GRIK2: variants seen among roughly 807,000 people sequenced by gnomAD.
GRIK2 encodes the protein glutamate receptor ionotropic, kainate 2.
A neutral mutation model predicts 100.3 loss-of-function variants in GRIK2; 32 were observed. That is an observed-to-expected ratio of 0.32 (90% CI 0.24 to 0.43). GRIK2 has a LOEUF of 0.43. Ranked by LOEUF, GRIK2 falls within the 20% of genes least tolerant of loss-of-function variation. GRIK2 has a pLI of 1.00. For synonymous variants in GRIK2, 417 were observed against 389.4 expected (o/e 1.07, Z -0.83); for missense variants, 843 against 1,114.9 (o/e 0.76, Z 3.47).
intron 2 of GRIK2, among the ~76,000 whole-genome samples, chr6:101,445,393 CCACA>C (rs1770322156): frequency 2.9e-3 from 1 of 342 alleles, no homozygotes; most frequent in African/African-American, 0.028. Context: ...TTTCTGTGAA[CCACA>C]ACATCTTACT....
chr6:101,571,456 C>A (rs1334344897), intron 2 of GRIK2, among the ~76,000 whole-genome samples: 1 of 151,846 alleles, frequency 6.6e-6, no homozygotes, highest in Non-Finnish European at 1.5e-5. Context: ...AAAATTTTGC[C>A]ATGTGTTTTT....
intron 2 of GRIK2, among the ~76,000 whole-genome samples, chr6:101,601,444 T>C (rs538342175): frequency 6.6e-6 from 1 of 152,000 alleles, no homozygotes; most frequent in South Asian, 2.1e-4. Context: ...TGATGCTGGC[T>C]TCACGGAATA....
chr6:101,539,757 C>T (rs6930162), intron 2 of GRIK2, among the ~76,000 whole-genome samples: 51,265 of 151,340 alleles, frequency 0.34, 8,958 homozygotes, highest in South Asian at 0.46. Context: ...CATGTTCGTA[C>T]ATGAAAAAAA....
chr6:101,674,512 T>C (rs1041509563), intron 4 of GRIK2, among the ~76,000 whole-genome samples: 10 of 152,160 alleles, frequency 6.6e-5, no homozygotes, highest in African/African-American at 2.4e-4. Context: ...TGTACATATA[T>C]GTTTGGAAGG....
At chr6:101,909,747 CACAT>C (rs1241974369) in intron 12 of GRIK2, among the ~76,000 whole-genome samples, 6 of 150,760 alleles carry the variant, frequency 4.0e-5, no homozygotes, top group Non-Finnish European at 8.9e-5. Context: ...TACATATACA[CACAT>C]ACAGATATAT....
chr6:101,484,887 ATAACT>A (rs984522705), intron 2 of GRIK2, among the ~76,000 whole-genome samples: 1 of 152,220 alleles, frequency 6.6e-6, no homozygotes, highest in Non-Finnish European at 1.5e-5. Context: ...TTATTGACAA[ATAACT>A]TAATCACTGG....
chr6:101,792,473 G>T (rs1434683152), intron 7 of GRIK2, among the ~76,000 whole-genome samples: 1 of 151,426 alleles, frequency 6.6e-6, no homozygotes, highest in Admixed American at 6.6e-5. Context: ...ATGAAGCTTA[G>T]TTTGGCTGGA....
At chr6:101,916,160 T>C (rs1789090871) in intron 12 of GRIK2, among the ~76,000 whole-genome samples, 1 of 151,566 alleles carries the variant, frequency 6.6e-6, no homozygotes, top group Non-Finnish European at 1.5e-5. Flanking sequence ...TATGCATATA[T>C]TATTTAATTT....
chr6:101,428,115 A>G (rs1769151084), intron 2 of GRIK2, among the ~76,000 whole-genome samples: 1 of 152,226 alleles, frequency 6.6e-6, no homozygotes, highest in Admixed American at 6.5e-5. Flanking sequence ...TATGAACAAA[A>G]ATGTCAGCGA....
rs114863728 is a variant in GRIK2 at position 102,022,502 on chromosome 6, G to A, written c.2086-12839G>A. ...TGATTGTGCCACTGCATTCCAGCCCGTGTGGCAGAGTGACGGCATGTCTCT... is the reference window on the plus strand; with the variant it reads ...TGATTGTGCCACTGCATTCCAGCCCATGTGGCAGAGTGACGGCATGTCTCT... On this transcript the variant is annotated intron_variant, in intron 14 of 16. Coordinates refer to ENST00000369134, the MANE Select transcript of GRIK2 (RefSeq NM_021956.5). 2.0e-3 allele frequency among the ~76,000 whole-genome samples: 300 copies of A among 151,712 alleles called. 2 individuals are homozygous for A. The highest frequency in any genetic ancestry group is 7.1e-3 in the African/African-American group (294 of 41,474).
chr6:101,396,242 T>TTC lies in GRIK2; in HGVS notation c.-294+2405_-294+2406insTC, dbSNP rs796942048. ...TAGTATAGGGATGTAAATTTAGCAT[T>TTC]CCCCCCCCCCCCAGGAAGTGAGTGA... On this transcript the variant is annotated intron_variant, in intron 1 of 16. Coordinates refer to ENST00000369134, the MANE Select transcript of GRIK2 (RefSeq NM_021956.5). 6.1e-3 allele frequency among the ~76,000 whole-genome samples: 806 copies of TTC among 132,300 alleles called. 6 individuals carry two copies. Among genetic ancestry groups the TTC allele is most frequent in the African/African-American group, 0.016 (595 of 36,350 alleles). 86.8% of individuals were successfully genotyped at this position (132,300 alleles called of 152,430 possible). A position where few individuals can be genotyped will look rare whatever the true frequency, so the allele number is the denominator to read the frequency against.
intron 14 of GRIK2, among the ~76,000 whole-genome samples, chr6:101,955,359 TTA>T (rs760966727): frequency 8.5e-5 from 13 of 152,122 alleles, no homozygotes; most frequent in Non-Finnish European, 1.0e-4. Flanking sequence ...GTGTTAACAA[TTA>T]TATATCCAGC....
intron 11 of GRIK2, among the ~76,000 whole-genome samples, chr6:101,883,638 T>C (rs369904354): frequency 2.0e-5 from 3 of 152,092 alleles, no homozygotes; most frequent in African/African-American, 7.2e-5. Flanking sequence ...TGATAACCAC[T>C]ATGCTCTGGA....
chr6:101,881,061 A>T lies in GRIK2; in HGVS notation c.1525-8579A>T, dbSNP rs116610671. 8.6e-3 allele frequency among the ~76,000 whole-genome samples: 1,310 copies of T among 152,022 alleles called. 18 individuals carry two copies. The highest frequency in any genetic ancestry group is 0.03 in the African/African-American group (1,231 of 41,550). On this transcript the variant is annotated intron_variant, in intron 11 of 16. Transcript: ENST00000369134. ...GAAGTCACTCTACAAACTTAGGCCA[A>T]ATAAAACTTTTTATATATGCATCTC...
intron 2 of GRIK2, among the ~76,000 whole-genome samples, chr6:101,474,545 C>A (rs1297079372): frequency 6.6e-6 from 1 of 151,768 alleles, no homozygotes; most frequent in Non-Finnish European, 1.5e-5. Flanking sequence ...TTATACTTTG[C>A]ATTTTTGCTT....
At chr6:101,754,455 A>G (rs6927332) in intron 7 of GRIK2, among the ~76,000 whole-genome samples, 5,079 of 152,300 alleles carry the variant, frequency 0.033, 317 homozygotes, top group African/African-American at 0.12. Context: ...TGTCTTACGT[A>G]GCTGTCTGAT....
At chr6:101,610,691 C>A (rs510536) in intron 2 of GRIK2, among the ~76,000 whole-genome samples, 3,532 of 151,912 alleles carry the variant, frequency 0.023, 130 homozygotes, top group African/African-American at 0.081. Flanking sequence ...CTGATCCCTT[C>A]ATTTTGCAGA....
At chr6:101,414,574 C>A (rs1028791716) in intron 2 of GRIK2, among the ~76,000 whole-genome samples, 4 of 152,114 alleles carry the variant, frequency 2.6e-5, no homozygotes, top group African/African-American at 9.7e-5. Flanking sequence ...GGATGGTATG[C>A]TGGATCTGTA....
At chr6:102,030,300 C>T (rs1458641167) in intron 14 of GRIK2, among the ~76,000 whole-genome samples, 1 of 151,200 alleles carries the variant, frequency 6.6e-6, no homozygotes, top group African/African-American at 2.4e-5. Flanking sequence ...CCGCCATTGG[C>T]ATTTAAACAT....
Sources: allele counts gnomAD v4.1 joint callset (sites outside exome capture counted in the v4.1 genomes callset), GRCh38; gene constraint gnomAD v4.1.1; transcripts MANE v1.5; gene names NCBI Gene and HGNC (gene_info 2026-07-23, HGNC 2026-07-21).